The following METTL4 variants were observed in gnomAD, a reference collection of about 807,000 sequenced individuals.
METTL4 encodes the protein methyltransferase 4, N6-adenosine.
Under a neutral mutation model 54.0 loss-of-function variants are expected in METTL4, and 40 were observed. The observed-to-expected ratio is 0.74, with a 90% CI of 0.58 to 0.96. The LOEUF (loss-of-function observed/expected upper bound fraction) is 0.96. Among genes scored for constraint, METTL4 ranks in the 50% least tolerant of loss-of-function variants. The probability of loss-of-function intolerance (pLI) is 0.00; values close to 1 mark genes in which losing one functional copy is unlikely to be tolerated. For synonymous variants in METTL4, 169 were observed against 183.8 expected (o/e 0.92, Z 0.65); for missense variants, 525 against 549.0 (o/e 0.96, Z 0.44).
intron 3 of METTL4, among the ~76,000 whole-genome samples, chr18:2,556,406 A>T (rs2072239789): frequency 6.6e-6 from 1 of 152,222 alleles, no homozygotes; most frequent in Non-Finnish European, 1.5e-5. Context: ...ACTTTTTCTG[A>T]GAAAAAAGCT....
chr18:2,549,994 C>CA (rs1050844393), intron 5 of METTL4, among the ~76,000 whole-genome samples: 4 of 150,138 alleles, frequency 2.7e-5, no homozygotes, highest in Admixed American at 1.3e-4. Context: ...AACTCTGTCT[C>CA]AAAAAAAATA....
At chr18:2,568,300 G>C (rs1174894252) in intron 1 of METTL4, 3 of 152,226 alleles carry the variant, frequency 2.0e-5, no homozygotes, top group Non-Finnish European at 2.9e-5. Flanking sequence ...CAATGAATTT[G>C]GGAGATGTGA....
intron 8 of METTL4, among the ~76,000 whole-genome samples, chr18:2,543,135 A>T (rs887845539): frequency 6.7e-6 from 1 of 149,542 alleles, no homozygotes; most frequent in Non-Finnish European, 1.5e-5. Flanking sequence ...AAAAAAAATT[A>T]AAAAAGGACC....
rs375054479 is a variant in METTL4 at position 2,565,438 on chromosome 18, C to G, written c.396+1383G>C. ...TACCTGGGTGATGAAATAATTTGTA[C>G]AACAAAACCCCATGACACAAATGTA... On this transcript the variant is annotated intron_variant, in intron 2 of 8. Transcript: ENST00000574538. Among the ~76,000 whole-genome samples, 7 of 151,928 alleles carry G rather than the reference C, an allele frequency of 4.6e-5. 1 individual carries two copies. In the East Asian group the frequency reaches 1.4e-3, roughly 29 times the overall value.
rs1028166020 is a variant in METTL4, at chr18:2,539,260, A to G, written c.1274-115T>C. 9.1e-5 allele frequency: 76 copies of G among 838,296 alleles called. No individual in the cohort carries two copies. In the African/African-American group the frequency reaches 1.1e-3, roughly 12 times the overall value. 51.9% of individuals were successfully genotyped at this position (838,296 alleles called of 1,614,324 possible). On this transcript the variant is annotated intron_variant, in intron 8 of 8. Transcript: ENST00000574538. ...TTCATTTTGTTCTTAAAAGACAGCAAATTAATTTCAAGGATTTCATCACAG... is the reference window on the plus strand; with the variant it reads ...TTCATTTTGTTCTTAAAAGACAGCAGATTAATTTCAAGGATTTCATCACAG...
chr18:2,566,953 A>C lies in METTL4; in HGVS notation c.264T>G (p.Phe88Leu). 6.2e-7 allele frequency: 1 copy of C among 1,614,188 alleles called. No homozygotes were observed. Among genetic ancestry groups the C allele is most frequent in the Non-Finnish European group, 8.5e-7 (1 of 1,180,028 alleles). Residue 88 changes from phenylalanine to leucine, a missense_variant, in exon 2 of 9, where the codon TTT becomes TTG. Transcript: ENST00000574538. Reference sequence around the variant, plus strand: ...TGGTGACATCAAACAGTTCAGGTCGAAAAACAAATTTTCGTGTGAACATTT... The same window carrying C: ...TGGTGACATCAAACAGTTCAGGTCGCAAAACAAATTTTCGTGTGAACATTT... ...NYEMFTRKFV[F>L]RPELFDVTKP...
intron 6 of METTL4, among the ~76,000 whole-genome samples, chr18:2,546,271 A>C (rs1354098552): frequency 6.6e-6 from 1 of 152,142 alleles, no homozygotes; most frequent in African/African-American, 2.4e-5. Context: ...TAAGTACAGT[A>C]CAGTAAAATA....
intron 4 of METTL4, chr18:2,553,065 G>T (rs56121341): frequency 7.6e-4 from 173 of 226,376 alleles, no homozygotes; most frequent in Non-Finnish European, 1.3e-3. Context: ...ATGCGTCTTG[G>T]CAGCCATATT....
rs200692616 is a variant in METTL4, at chr18:2,547,492, G to C, written c.937C>G (p.Pro313Ala). 5.0e-6 allele frequency: 8 copies of C among 1,603,616 alleles called. No homozygotes were observed. In the Admixed American group the frequency reaches 1.2e-4, roughly 24 times the overall value. The change falls in exon 6 of 9, where the codon CCT becomes GCT. Residue 313 changes from proline (P) to alanine (A), a missense_variant. Physicochemically the swap from Pro to Ala is conservative, Grantham distance 27. Coordinates refer to ENST00000574538, the MANE Select transcript of METTL4 (RefSeq NM_022840.5). ...YLSPLQIQQI[P>A]IPKLAAPNCL... ...TTTGGAGCAGCCAATTTAGGGATAG[G>C]TATTTGCTGTATTTGCAGGGGTGAC... is the stretch of plus-strand genomic sequence containing the variant.
chr18:2,554,474 T>C (rs935840540), intron 4 of METTL4, 195 bp downstream of exon 4: 31 of 537,814 alleles, frequency 5.8e-5, no homozygotes, highest in East Asian at 3.2e-5. Context: ...TGACTCTTTA[T>C]TCACAATATT....
rs777324699 is a variant in METTL4, at chr18:2,567,056, G to C, written c.161C>G (p.Ser54Cys). 1.9e-6 allele frequency: 3 copies of C among 1,614,156 alleles called. No homozygotes were observed. The highest frequency in any genetic ancestry group is 1.7e-5 in the Admixed American group (1 of 60,030). Reference sequence around the variant, plus strand: ...AAATGCAGCACAGACTCCAGAGGAGGACACAGAATCCATTTGAAGAGACTC... The same window carrying C: ...AAATGCAGCACAGACTCCAGAGGAGCACACAGAATCCATTTGAAGAGACTC... ...HFESLQMDSV[S>C]SSGVCAAFIA... Residue 54 changes from serine (S) to cysteine (C), a missense_variant, in exon 2 of 9, where the codon TCC becomes TGC. Ser to Cys is a moderately radical substitution (Grantham distance 112, BLOSUM62 -1). Coordinates refer to ENST00000574538, the MANE Select transcript of METTL4 (RefSeq NM_022840.5).
intron 1 of METTL4, chr18:2,568,806 G>C (rs2072460849): frequency 1.5e-5 from 3 of 202,616 alleles, no homozygotes; most frequent in Non-Finnish European, 3.2e-5. Context: ...GAGTCTAGAA[G>C]ATGATAAAGA....
At position 2,554,794 on chromosome 18, in the gene METTL4, A is replaced by C; in HGVS notation, c.704T>G (p.Leu235Trp). The C allele has an allele frequency of 6.2e-7, 1 of 1,613,936 alleles. No homozygotes were observed. The highest frequency in any genetic ancestry group is 1.3e-5 in the African/African-American group (1 of 75,046). The change falls in exon 4 of 9, where the codon TTG becomes TGG. Residue 235 changes from leucine (L) to tryptophan (W), a missense_variant. Leu to Trp is a moderately conservative substitution (Grantham distance 61, BLOSUM62 -2). Transcript: ENST00000574538. The part of the protein sequence containing the change: ...DTSVTEQDLF[L>W]RVVENNSSFT... ...GCTAGAGTTGTTTTCAACAACTCGC[A>C]AAAATAAATCCTGTTCTGTAACAGA...
chr18:2,544,626 A>G (rs769639163), intron 7 of METTL4, 27 bp downstream of exon 7: 1 of 1,380,990 alleles, frequency 7.2e-7, no homozygotes, highest in Non-Finnish European at 1.0e-6. Context: ...ATACATGTAT[A>G]CAATTTTGAA....
At chr18:2,564,549 G>T in intron 2 of METTL4, among the ~76,000 whole-genome samples, 1 of 152,156 alleles carries the variant, frequency 6.6e-6, no homozygotes, top group South Asian at 2.1e-4. Context: ...ACTGATGAGG[G>T]TTAGGTATGA....
At chr18:2,563,529 A>G (rs1359366500) in intron 3 of METTL4, among the ~76,000 whole-genome samples, 1 of 139,184 alleles carries the variant, frequency 7.2e-6, no homozygotes, top group African/African-American at 2.7e-5. Flanking sequence ...CAGGAGGCAG[A>G]GGCTACAGTG....
chr18:2,566,128 A>G (rs990437723), intron 2 of METTL4, among the ~76,000 whole-genome samples: 3 of 151,462 alleles, frequency 2.0e-5, no homozygotes, highest in African/African-American at 7.2e-5. Flanking sequence ...AAAAAAGACA[A>G]TGCTGATATC....
rs1158115202 is a variant in METTL4 at position 2,571,194 on chromosome 18, T to G, written c.-484A>C. 2 of 152,468 alleles carry G rather than the reference T, an allele frequency of 1.3e-5. No individual in the cohort carries two copies. Among genetic ancestry groups the G allele is most frequent in the East Asian group, 1.9e-4 (1 of 5,208 alleles). The allele number at this position is 152,468 out of a possible 1,614,324, so 9.4% of individuals were successfully genotyped here. On this transcript the variant is annotated 5_prime_UTR_variant, in exon 1 of 9. Coordinates refer to ENST00000574538, the MANE Select transcript of METTL4 (RefSeq NM_022840.5). The stretch of plus-strand genomic sequence containing the variant: ...CGGACGCCGCCTTCCCAGACTCTCC[T>G]CATGAAAACAGCACCCATCTAAATA...
chr18:2,562,349 G>C (rs544368573), intron 3 of METTL4: 1 of 152,320 alleles, frequency 6.6e-6, no homozygotes, highest in East Asian at 1.9e-4. Flanking sequence ...CTCCAGCCTG[G>C]GCAACACGGT....
Sources: gnomAD v4.1 joint callset for allele counts (sites outside exome capture counted in the v4.1 genomes callset) on GRCh38, gnomAD v4.1.1 for gene constraint, MANE v1.5 for transcripts, NCBI Gene and HGNC (gene_info 2026-07-23, HGNC 2026-07-21) for gene names.